The following UBIAD1 variants were observed in gnomAD, a reference collection of about 807,000 sequenced individuals.
UBIAD1 encodes UbiA prenyltransferase domain containing 1.
A neutral mutation model predicts 20.1 loss-of-function variants in UBIAD1; 12 were observed. The observed-to-expected ratio is 0.60, with a 90% CI of 0.38 to 0.97. The LOEUF (loss-of-function observed/expected upper bound fraction) is 0.97. Ranked by LOEUF, UBIAD1 falls within the 50% of genes least tolerant of loss-of-function variation. The probability of loss-of-function intolerance (pLI) is 0.00; values close to 1 mark genes in which losing one functional copy is unlikely to be tolerated. For missense variants in UBIAD1, 333 were observed against 419.5 expected (o/e 0.79, Z 1.80); for synonymous variants, 207 against 189.2 (o/e 1.09, Z -0.77).
At chr1:11,288,807 G>A (rs764513349), downstream of UBIAD1, among the ~76,000 whole-genome samples, 1 of 152,154 alleles carries the variant, frequency 6.6e-6, no homozygotes, top group Non-Finnish European at 1.5e-5. Flanking sequence ...AGCTACTCAG[G>A]AGGCTGAGGT....
intron 1 of UBIAD1, among the ~76,000 whole-genome samples, chr1:11,282,682 C>T (rs369982004): frequency 4.6e-5 from 7 of 151,856 alleles, no homozygotes; most frequent in African/African-American, 1.7e-4. Context: ...CCTGCCTCAG[C>T]CTCCCGAGTA....
chr1:11,290,137 A>G (rs1638343197), downstream of UBIAD1, among the ~76,000 whole-genome samples: 1 of 152,160 alleles, frequency 6.6e-6, no homozygotes, highest in Non-Finnish European at 1.5e-5. Flanking sequence ...AAGTGCTGAG[A>G]TTACAGGCGT....
At chr1:11,292,668 T>TACACACACACACACACAC (rs71568319), downstream of UBIAD1, among the ~76,000 whole-genome samples, 5 of 140,648 alleles carry the variant, frequency 3.6e-5, no homozygotes, top group South Asian at 2.4e-4. Flanking sequence ...ATTTTATGTA[T>TACACACACACACACACAC]ACACACACAC....
downstream of UBIAD1, among the ~76,000 whole-genome samples, chr1:11,292,989 G>A (rs939956593): frequency 9.2e-5 from 14 of 152,146 alleles, no homozygotes; most frequent in African/African-American, 3.4e-4. Context: ...AACCAAGTTG[G>A]GTTCCTGCCT....
downstream of UBIAD1, among the ~76,000 whole-genome samples, chr1:11,297,267 T>G (rs769039449): frequency 2.6e-5 from 4 of 152,146 alleles, no homozygotes; most frequent in Non-Finnish European, 5.9e-5. Context: ...GGGTAGAGTA[T>G]TAGTGCCCTG....
chr1:11,274,125 T>A, intron 1 of UBIAD1, 65 bp downstream of exon 1: 1 of 1,595,226 alleles, frequency 6.3e-7, no homozygotes, highest in Non-Finnish European at 8.6e-7. Context: ...CGCTGCTTTG[T>A]AAAGGAGTTA....
chr1:11,283,575 T>C (rs1652314660), intron 1 of UBIAD1, among the ~76,000 whole-genome samples: 1 of 152,112 alleles, frequency 6.6e-6, no homozygotes, highest in African/African-American at 2.4e-5. Context: ...CAGAATTAGC[T>C]TGCTGAATGT....
chr1:11,297,964 TTTG>T (rs1325988432), downstream of UBIAD1, among the ~76,000 whole-genome samples: 1 of 141,608 alleles, frequency 7.1e-6, no homozygotes, highest in Non-Finnish European at 1.5e-5. Context: ...TTTTTGTTTT[TTTG>T]TTTTTTTTTT....
chr1:11,299,318 A>G (rs183545740), downstream of UBIAD1, among the ~76,000 whole-genome samples: 76 of 152,264 alleles, frequency 5.0e-4, no homozygotes, highest in African/African-American at 1.7e-3. Flanking sequence ...TGGCCTCCCT[A>G]TGGCCCTGAG....
chr1:11,273,555 G>A lies in UBIAD1; in HGVS notation c.24G>A (p.Gly8=), dbSNP rs1377316972. The change falls in exon 1 of 2, where the codon GGG becomes GGA. Residue 8 remains glycine (G), a synonymous_variant. Coordinates refer to ENST00000376810, the MANE Select transcript of UBIAD1 (RefSeq NM_013319.3). The surrounding 1 kb of genome is among the most constrained non-coding windows in gnomAD (Gnocchi z 4.9). The part of the protein sequence containing the change: MAASQVL[G]EKINILSGET... ...CCATGGCGGCCTCTCAGGTCCTGGG[G>A]GAGAAGATTAACATCCTGTCGGGAG... 1.9e-6 allele frequency: 3 copies of A among 1,612,800 alleles called. No homozygotes were observed. Among genetic ancestry groups the A allele is most frequent in the Non-Finnish European group, 2.5e-6 (3 of 1,180,044 alleles).
rs780282620 is a variant in UBIAD1, at chr1:11,285,865, C to A, written c.751C>A (p.Leu251Ile). 2.1e-5 allele frequency: 34 copies of A among 1,614,102 alleles called. No homozygotes were observed. The highest frequency in any genetic ancestry group is 2.8e-5 in the Non-Finnish European group (33 of 1,180,048). Residue 251 changes from leucine (L) to isoleucine (I), a missense_variant, in exon 2 of 2, where the codon CTC (leucine) becomes ATC (isoleucine). This residue lies in a region of UBIAD1 where 226 missense variants were observed against 263.5 expected (regional missense o/e 0.86). Coordinates refer to ENST00000376810, the MANE Select transcript of UBIAD1 (RefSeq NM_013319.3). This position sits in a 1 kb window ranked among gnomAD's most constrained non-coding sequence, Gnocchi z 4.4. ...REAGIVTLAI[L>I]IGPTFSYILY... Reference sequence around the variant, plus strand: ...GGCTGGTATCGTCACGCTGGCCATCCTCATCGGCCCCACGTTCTCCTACAT... The same window carrying A: ...GGCTGGTATCGTCACGCTGGCCATCATCATCGGCCCCACGTTCTCCTACAT...
At chr1:11,297,191 C>T (rs1310426649), downstream of UBIAD1, among the ~76,000 whole-genome samples, 1 of 152,164 alleles carries the variant, frequency 6.6e-6, no homozygotes, top group Non-Finnish European at 1.5e-5. Flanking sequence ...GCCTAATCCC[C>T]AACATGATTG....
intron 1 of UBIAD1, among the ~76,000 whole-genome samples, chr1:11,282,814 G>A (rs541078316): frequency 2.0e-5 from 3 of 151,474 alleles, no homozygotes; most frequent in South Asian, 2.1e-4. Context: ...TGATCCACCC[G>A]CTGTGGCCTC....
rs760910518 is a variant in UBIAD1 at position 11,273,795 on chromosome 1, C to T, written c.264C>T (p.Ala88=). ...ATCCCAGGCTCTTGGTGGGTTGTGC[C>T]GTGGCTGTCCTGGCTGTGCACGGGG... ...VLDPRLLVGC[A]VAVLAVHGAG... Residue 88 remains alanine, a synonymous_variant, in exon 1 of 2, where the codon GCC becomes GCT. Transcript: ENST00000376810. The surrounding 1 kb of genome is among the most constrained non-coding windows in gnomAD (Gnocchi z 4.9). 1 of 1,614,130 alleles carries T rather than the reference C, an allele frequency of 6.2e-7. No homozygotes were observed. Among genetic ancestry groups the T allele is most frequent in the Admixed American group, 1.7e-5 (1 of 60,018 alleles).
At chr1:11,291,454 A>G (rs1638364254), downstream of UBIAD1, among the ~76,000 whole-genome samples, 1 of 151,958 alleles carries the variant, frequency 6.6e-6, no homozygotes, top group Admixed American at 6.6e-5. Context: ...CAAAAATACA[A>G]AAATTAGCTG....
rs761963387 is a variant in UBIAD1, at chr1:11,273,647, A to G, written c.116A>G (p.Gln39Arg). The change falls in exon 1 of 2, where the codon CAG becomes CGG. Residue 39 changes from glutamine (Q) to arginine (R), a missense_variant. Transcript: ENST00000376810. This position sits in a 1 kb window ranked among gnomAD's most constrained non-coding sequence, Gnocchi z 4.9. ...NDCPEQDRLP[Q>R]RSWRQKCASY... ...TGTCCCGAGCAAGATAGGCTCCCCC[A>G]GCGCTCCTGGAGGCAGAAGTGTGCC... is the stretch of plus-strand genomic sequence containing the variant. 6.3e-5 allele frequency: 101 copies of G among 1,614,034 alleles called. No homozygotes were observed. Among genetic ancestry groups the G allele is most frequent in the Non-Finnish European group, 7.7e-5 (91 of 1,180,046 alleles).
intron 1 of UBIAD1, among the ~76,000 whole-genome samples, chr1:11,284,286 T>C (rs1652335651): frequency 6.6e-6 from 1 of 152,076 alleles, no homozygotes; most frequent in Admixed American, 6.6e-5. Context: ...CTGAAGGCTC[T>C]GACGGATTGG....
rs1377019098 is a variant in UBIAD1, at chr1:11,273,266, C to G, written c.-266C>G. 2.0e-6 allele frequency: 1 copy of G among 502,698 alleles called. No individual in the cohort carries two copies. Among genetic ancestry groups the G allele is most frequent in the Admixed American group, 3.6e-5 (1 of 28,106 alleles). 31.1% of individuals were successfully genotyped at this position (502,698 alleles called of 1,614,324 possible). A position where few individuals can be genotyped will look rare whatever the true frequency, so the allele number is the denominator to read the frequency against. On this transcript the variant is annotated 5_prime_UTR_variant, in exon 1 of 2. Transcript: ENST00000376810. The surrounding 1 kb of genome is among the most constrained non-coding windows in gnomAD (Gnocchi z 4.9). ...TCTGGCGGCCTAAAGAAGGCGGCCGCGGCTCAGCCGTGGGCTCTAACGCGG... is the reference window on the plus strand; with the variant it reads ...TCTGGCGGCCTAAAGAAGGCGGCCGGGGCTCAGCCGTGGGCTCTAACGCGG...
downstream of UBIAD1, among the ~76,000 whole-genome samples, chr1:11,289,880 G>A (rs914871578): frequency 7.9e-5 from 12 of 152,200 alleles, no homozygotes; most frequent in East Asian, 1.9e-4. Flanking sequence ...ACAGGCACCC[G>A]CCACTATGCC....
Sources: gnomAD v4.1 joint callset for allele counts (sites outside exome capture counted in the v4.1 genomes callset) on GRCh38, gnomAD v4.1.1 for gene constraint, gnomAD v4.1.1 regional missense constraint, Gnocchi (gnomAD v3.1) non-coding constraint, MANE v1.5 for transcripts, NCBI Gene and HGNC (gene_info 2026-07-23, HGNC 2026-07-21) for gene names.